SLC9A9: variants seen among roughly 807,000 people sequenced by gnomAD.
The protein encoded by SLC9A9 is solute carrier family 9 member A9.
Under a neutral mutation model 77.8 loss-of-function variants are expected in SLC9A9, and 62 were observed. That is an observed-to-expected ratio of 0.80 (90% CI 0.65 to 0.98). SLC9A9 has a LOEUF of 0.98. SLC9A9 is among the 50% of genes least tolerant of loss of function. The pLI, the probability that SLC9A9 is intolerant of heterozygous loss-of-function variation, is 0.00. For missense variants in SLC9A9, 775 were observed against 774.9 expected (o/e 1.00, Z 0.00); for synonymous variants, 320 against 283.5 (o/e 1.13, Z -1.29).
intron 4 of SLC9A9, among the ~76,000 whole-genome samples, chr3:143,754,682 A>G (rs2108827407): frequency 6.6e-6 from 1 of 152,314 alleles, no homozygotes; most frequent in East Asian, 1.9e-4. Flanking sequence ...ACAAGGGGAA[A>G]GCAGAGGGGT....
intron 14 of SLC9A9, among the ~76,000 whole-genome samples, chr3:143,311,617 T>C (rs867120438): frequency 4.6e-5 from 7 of 152,130 alleles, no homozygotes; most frequent in Non-Finnish European, 8.8e-5. Context: ...CCAGGTACAG[T>C]TGTATTAGAA....
chr3:143,464,296 AATGATGGGTGACT>A (rs2035245264), intron 12 of SLC9A9, among the ~76,000 whole-genome samples: 1 of 152,226 alleles, frequency 6.6e-6, no homozygotes, highest in Non-Finnish European at 1.5e-5. Flanking sequence ...ATAGAGTCTA[AATGATGGGTGACT>A]ATGAGTTTAA....
chr3:143,338,748 G>A (rs1413306516), intron 14 of SLC9A9, among the ~76,000 whole-genome samples: 1 of 152,022 alleles, frequency 6.6e-6, no homozygotes, highest in Non-Finnish European at 1.5e-5. Flanking sequence ...GGCTTCAAAA[G>A]TATTACCAGA....
chr3:143,549,033 C>T (rs184561559), intron 9 of SLC9A9, among the ~76,000 whole-genome samples: 103 of 152,346 alleles, frequency 6.8e-4, no homozygotes, highest in African/African-American at 2.5e-3. Flanking sequence ...TGTGTAACTG[C>T]TACCTTCCCG....
intron 12 of SLC9A9, among the ~76,000 whole-genome samples, chr3:143,449,819 TTTACATATATA>T (rs1559921629): frequency 1.0e-4 from 4 of 39,260 alleles, no homozygotes; most frequent in East Asian, 1.4e-3. Flanking sequence ...TAATTATATA[TTTACATATATA>T]ATTATATGTA....
At chr3:143,450,394 A>G (rs1325656599) in intron 12 of SLC9A9, among the ~76,000 whole-genome samples, 1 of 151,542 alleles carries the variant, frequency 6.6e-6, no homozygotes, top group Non-Finnish European at 1.5e-5. Flanking sequence ...TGCTATTTTT[A>G]AGTAAAAAAA....
chr3:143,813,818 T>C (rs1294391388), intron 2 of SLC9A9, among the ~76,000 whole-genome samples: 7 of 152,210 alleles, frequency 4.6e-5, no homozygotes, highest in Admixed American at 3.3e-4. Context: ...CATCAGGCCA[T>C]GTGAATGTAT....
chr3:143,308,433 G>A (rs1325784545), intron 14 of SLC9A9, among the ~76,000 whole-genome samples: 6 of 151,864 alleles, frequency 4.0e-5, no homozygotes, highest in South Asian at 2.1e-4. Context: ...AAAATTAGCC[G>A]GGCATGGTGG....
At chr3:143,453,418 GA>G (rs2035040160) in intron 12 of SLC9A9, among the ~76,000 whole-genome samples, 1 of 151,932 alleles carries the variant, frequency 6.6e-6, no homozygotes, top group Non-Finnish European at 1.5e-5. Flanking sequence ...AAGGGAAAAA[GA>G]AAACTATAAG....
chr3:143,554,293 G>A (rs1418744240), intron 8 of SLC9A9, among the ~76,000 whole-genome samples: 1 of 152,168 alleles, frequency 6.6e-6, no homozygotes, highest in Non-Finnish European at 1.5e-5. Flanking sequence ...ACTGCAGTGA[G>A]TTACTATCTC....
chr3:143,511,978 CA>C (rs1203518453), intron 9 of SLC9A9, among the ~76,000 whole-genome samples: 1 of 151,874 alleles, frequency 6.6e-6, no homozygotes, highest in Non-Finnish European at 1.5e-5. Flanking sequence ...CTGAATACTC[CA>C]AAAAAAGGGT....
chr3:143,801,758 T>G (rs1285203474), intron 2 of SLC9A9, among the ~76,000 whole-genome samples: 1 of 152,140 alleles, frequency 6.6e-6, no homozygotes, highest in Non-Finnish European at 1.5e-5. Flanking sequence ...CCACTACCTC[T>G]CAACAAGCCG....
intron 12 of SLC9A9, among the ~76,000 whole-genome samples, chr3:143,444,101 C>T (rs1384687351): frequency 6.6e-6 from 1 of 152,134 alleles, no homozygotes; most frequent in African/African-American, 2.4e-5. Context: ...TTTAATAAAA[C>T]AGTAGTAGTG....
chr3:143,780,461 G>C (rs2007835251), intron 4 of SLC9A9, among the ~76,000 whole-genome samples: 1 of 152,148 alleles, frequency 6.6e-6, no homozygotes, highest in Admixed American at 6.5e-5. Context: ...TGATACAAAA[G>C]GATCACTCAT....
At chr3:143,646,685 T>C (rs2038712721) in intron 6 of SLC9A9, among the ~76,000 whole-genome samples, 1 of 152,166 alleles carries the variant, frequency 6.6e-6, no homozygotes, top group South Asian at 2.1e-4. Flanking sequence ...TGCCCATAAT[T>C]ACTTCTTAGA....
chr3:143,453,369 A>G (rs1009762259), intron 12 of SLC9A9, among the ~76,000 whole-genome samples: 1 of 152,102 alleles, frequency 6.6e-6, no homozygotes, highest in African/African-American at 2.4e-5. Context: ...CATATCCTTA[A>G]TAATACCTAA....
At chr3:143,621,507 T>C (rs904093669) in intron 6 of SLC9A9, among the ~76,000 whole-genome samples, 2 of 152,166 alleles carry the variant, frequency 1.3e-5, no homozygotes, top group African/African-American at 4.8e-5. Flanking sequence ...GCAAACAGGG[T>C]CTGGAGTGGA....
At chr3:143,599,314 A>G (rs1229021734) in intron 6 of SLC9A9, among the ~76,000 whole-genome samples, 1 of 152,258 alleles carries the variant, frequency 6.6e-6, no homozygotes, top group Non-Finnish European at 1.5e-5. Context: ...ATTGAATTAT[A>G]AACAGTATAA....
intron 4 of SLC9A9, among the ~76,000 whole-genome samples, chr3:143,723,157 A>G (rs1934547367): frequency 6.6e-6 from 1 of 152,184 alleles, no homozygotes; most frequent in African/African-American, 2.4e-5. Context: ...GAGTTTCAGC[A>G]TCTGCCTTCT....
Sources: allele counts gnomAD v4.1 joint callset (sites outside exome capture counted in the v4.1 genomes callset), GRCh38; gene constraint gnomAD v4.1.1; transcripts MANE v1.5; gene names NCBI Gene and HGNC (gene_info 2026-07-23, HGNC 2026-07-21).